DMD: variants seen among roughly 807,000 people sequenced by gnomAD.
DMD encodes the protein dystrophin, also known as mutant dystrophin.
A neutral mutation model predicts 330.1 loss-of-function variants in DMD; 63 were observed. That is an observed-to-expected ratio of 0.19 (90% CI 0.16 to 0.24). The LOEUF (loss-of-function observed/expected upper bound fraction) is 0.24, where lower values mean the gene tolerates loss of function less well. DMD is among the 10% of genes least tolerant of loss of function. The pLI is 1.00. For synonymous variants in DMD, 1,223 were observed against 959.8 expected (o/e 1.27, Z -5.07); for missense variants, 3,344 against 2,684.1 (o/e 1.25, Z -5.43).
At chrX:33,310,855 T>C (rs961941717) in intron 1 of DMD, among the ~76,000 whole-genome samples, 8 of 111,117 alleles carry the variant, frequency 7.2e-5, no homozygotes, top group Non-Finnish European at 1.3e-4. Context: ...TTTATAGCTG[T>C]AATGTTGACA....
intron 41 of DMD, among the ~76,000 whole-genome samples, chrX:32,314,592 G>C (rs1338945694): frequency 9.0e-6 from 1 of 111,089 alleles, no homozygotes. Flanking sequence ...CCTATCATGA[G>C]AGTCAACAGG....
In DMD at chrX:31,630,740, T is replaced by A. The variant is rs779001658; in HGVS notation, c.8028-2878A>T. The stretch of plus-strand genomic sequence containing the variant: ...AAAGGTCTTGAATTAGATTTTTTTT[T>A]AAATTCCTTTGTCCAAGTTATCAAA... On this transcript the variant is annotated intron_variant, in intron 54 of 78. Transcript: ENST00000357033. Among the ~76,000 whole-genome samples, 34 of 111,886 alleles carry A rather than the reference T, an allele frequency of 3.0e-4. No homozygotes were observed. In the East Asian group the frequency reaches 3.9e-3, roughly 13 times the overall value.
At chrX:32,184,721 A>T (rs1322708341) in intron 44 of DMD, among the ~76,000 whole-genome samples, 1 of 110,643 alleles carries the variant, frequency 9.0e-6, no homozygotes, top group African/African-American at 3.3e-5. Context: ...AAGCCTTAGT[A>T]AGATCAGAGT....
At chrX:32,971,764 CAT>C (rs201019406) in intron 2 of DMD, among the ~76,000 whole-genome samples, 7 of 109,793 alleles carry the variant, frequency 6.4e-5, no homozygotes, top group Non-Finnish European at 9.5e-5. Context: ...GAGACACACA[CAT>C]ATATATATAT....
At chrX:31,261,526 T>C (rs919178886) in intron 62 of DMD, 2 of 129,224 alleles carry the variant, frequency 1.5e-5, no homozygotes, top group African/African-American at 6.4e-5. Flanking sequence ...ATATCCATGA[T>C]ACCTGTATTT....
In DMD at chrX:32,171,647, C is replaced by T. The variant is rs757295359; in HGVS notation, c.6438+45269G>A. On this transcript the variant is annotated intron_variant, in intron 44 of 78. Transcript: ENST00000357033. Reference sequence around the variant, plus strand: ...GCTATAAGAAAACAATACCCAATTTCATCTAAGAGATGAAAAATAAAGAAA... The same window carrying T: ...GCTATAAGAAAACAATACCCAATTTTATCTAAGAGATGAAAAATAAAGAAA... Among the ~76,000 whole-genome samples, 10 of 111,253 alleles carry T rather than the reference C, an allele frequency of 9.0e-5. No individual in the cohort carries two copies. In the East Asian group the frequency reaches 2.8e-3, roughly 31 times the overall value.
At chrX:32,338,027 A>T (rs929482938) in intron 41 of DMD, among the ~76,000 whole-genome samples, 58 of 111,661 alleles carry the variant, frequency 5.2e-4, no homozygotes, top group Non-Finnish European at 3.2e-4. Context: ...TTCAGGTGAA[A>T]CTAGCTGTAT....
At chrX:32,613,658 G>A (rs1412216469) in intron 12 of DMD, among the ~76,000 whole-genome samples, 1 of 109,496 alleles carries the variant, frequency 9.1e-6, no homozygotes, top group African/African-American at 3.3e-5. Context: ...ATTTAAATTT[G>A]CATTACAAGT....
chrX:33,306,322 T>C (rs2053761981), intron 1 of DMD, among the ~76,000 whole-genome samples: 1 of 111,832 alleles, frequency 8.9e-6, no homozygotes. Flanking sequence ...TATTGAAGTC[T>C]AAAGGTACAC....
At chrX:32,932,585 G>C (rs1308800406) in intron 2 of DMD, among the ~76,000 whole-genome samples, 1 of 112,029 alleles carries the variant, frequency 8.9e-6, no homozygotes. Flanking sequence ...TATCATAAGG[G>C]TGAAGAAAGG....
At chrX:32,749,003 C>T (rs1172327286) in intron 7 of DMD, among the ~76,000 whole-genome samples, 1 of 112,049 alleles carries the variant, frequency 8.9e-6, no homozygotes, top group African/African-American at 3.2e-5. Context: ...ACCTACGTGG[C>T]AAGTGCCCCA....
intron 63 of DMD, among the ~76,000 whole-genome samples, chrX:31,259,259 G>A (rs2050275699): frequency 2.7e-5 from 3 of 111,914 alleles, no homozygotes; most frequent in South Asian, 7.5e-4. Context: ...CACAGGTTAC[G>A]ATCAGGAGGC....
At chrX:31,823,790 T>C (rs1241921246) in intron 49 of DMD, among the ~76,000 whole-genome samples, 1 of 110,515 alleles carries the variant, frequency 9.0e-6, no homozygotes, top group Non-Finnish European at 1.9e-5. Flanking sequence ...CCCAGGCTGG[T>C]CTCAAACTCC....
intron 12 of DMD, among the ~76,000 whole-genome samples, chrX:32,611,841 T>C (rs1008932919): frequency 1.1e-4 from 12 of 112,155 alleles, no homozygotes; most frequent in Admixed American, 4.8e-4. Context: ...CCAAAAGTAT[T>C]GGACACATTT....
intron 44 of DMD, among the ~76,000 whole-genome samples, chrX:31,997,926 C>G (rs977763380): frequency 3.6e-5 from 4 of 111,595 alleles, no homozygotes; most frequent in Non-Finnish European, 7.5e-5. Context: ...CAGCGAGTAT[C>G]TTTCTCCAAA....
chrX:33,252,137 C>G (rs867902742), intron 1 of DMD, among the ~76,000 whole-genome samples: 1 of 111,582 alleles, frequency 9.0e-6, no homozygotes, highest in South Asian at 3.7e-4. Flanking sequence ...AGCGTTTTCT[C>G]GTGTTCAAGA....
At chrX:33,057,398 ATCT>A (rs1348197772) in intron 1 of DMD, among the ~76,000 whole-genome samples, 1 of 112,046 alleles carries the variant, frequency 8.9e-6, no homozygotes, top group Admixed American at 9.5e-5. Flanking sequence ...ATGGTAACTA[ATCT>A]TTTTTTTTGT....
chrX:31,237,477 T>C (rs2047843277), intron 63 of DMD, among the ~76,000 whole-genome samples: 1 of 112,468 alleles, frequency 8.9e-6, no homozygotes, highest in South Asian at 3.7e-4. Flanking sequence ...GATGAGATCC[T>C]GCTGAAGACA....
intron 44 of DMD, among the ~76,000 whole-genome samples, chrX:31,972,901 C>T (rs189621259): frequency 6.3e-5 from 7 of 111,241 alleles, no homozygotes; most frequent in South Asian, 3.7e-4. Flanking sequence ...TGTGTCTCTT[C>T]GTCAGTGCCA....
Sources: gnomAD v4.1 joint callset for allele counts (sites outside exome capture counted in the v4.1 genomes callset) on GRCh38, gnomAD v4.1.1 for gene constraint, MANE v1.5 for transcripts, NCBI Gene and HGNC (gene_info 2026-07-23, HGNC 2026-07-21) for gene names.